The following DYNC1I1 variants were observed in gnomAD, a reference collection of about 807,000 sequenced individuals.
DYNC1I1 encodes the protein cytoplasmic dynein 1 intermediate chain 1.
DYNC1I1 carries 43 observed loss-of-function variants against 86.6 expected under a neutral mutation model. The ratio of observed to expected loss-of-function variants is 0.50; its 90% CI spans 0.39 to 0.64. DYNC1I1 has a LOEUF of 0.64. Ranked by LOEUF, DYNC1I1 falls within the 30% of genes least tolerant of loss-of-function variation. The pLI is 0.00. For synonymous variants in DYNC1I1, 262 were observed against 283.7 expected, an observed-to-expected ratio of 0.92 and a Z score of 0.77; for missense variants, 604 against 788.8, an observed-to-expected ratio of 0.77 and a Z score of 2.81.
intron 16 of DYNC1I1, among the ~76,000 whole-genome samples, chr7:96,081,341 AC>A (rs940240030): frequency 1.9e-4 from 29 of 151,852 alleles, no homozygotes; most frequent in African/African-American, 5.6e-4. Flanking sequence ...AAAAAAAAAA[AC>A]AACTACACCT....
At chr7:95,915,466 C>G (rs1791445150) in intron 6 of DYNC1I1, among the ~76,000 whole-genome samples, 1 of 152,180 alleles carries the variant, frequency 6.6e-6, no homozygotes, top group Non-Finnish European at 1.5e-5. Context: ...TATTTCTATA[C>G]ACTTCAGGTA....
chr7:95,781,005 C>CAA (rs376390109), intron 1 of DYNC1I1, among the ~76,000 whole-genome samples: 27 of 145,648 alleles, frequency 1.9e-4, no homozygotes, highest in African/African-American at 6.7e-4. Flanking sequence ...ATAACAACAA[C>CAA]AAAAAAAAAA....
chr7:95,831,473 A>G (rs1378622403), intron 5 of DYNC1I1, among the ~76,000 whole-genome samples: 1 of 152,186 alleles, frequency 6.6e-6, no homozygotes, highest in Non-Finnish European at 1.5e-5. Flanking sequence ...CCCAGGCCAG[A>G]GACAGATATC....
intron 6 of DYNC1I1, among the ~76,000 whole-genome samples, chr7:95,926,092 A>T (rs915674408): frequency 6.6e-6 from 1 of 152,174 alleles, no homozygotes; most frequent in Non-Finnish European, 1.5e-5. Context: ...AATCATCTTC[A>T]TCTTGCTGAA....
chr7:96,083,809 A>G (rs2299289), intron 16 of DYNC1I1, among the ~76,000 whole-genome samples: 7,355 of 152,304 alleles, frequency 0.048, 284 homozygotes, highest in East Asian at 0.23. Context: ...CCTGGTCCCT[A>G]TTAAAACGAA....
chr7:95,930,931 T>A lies in DYNC1I1; in HGVS notation c.491-46581T>A, dbSNP rs987361491. Among the ~76,000 whole-genome samples the A allele has an allele frequency of 6.6e-5, 10 of 152,188 alleles. No homozygotes were observed. In the East Asian group the frequency reaches 1.5e-3, roughly 23 times the overall value. On this transcript the variant is annotated intron_variant, in intron 6 of 16. Transcript: ENST00000447467. The stretch of plus-strand genomic sequence containing the variant: ...GCTCTGTAGGTTCTAGGCTACAGTA[T>A]TTCAGTGTTCACAGGACAGCTAATT...
chr7:95,851,912 CCTT>C (rs1789589379), intron 5 of DYNC1I1, among the ~76,000 whole-genome samples: 1 of 152,176 alleles, frequency 6.6e-6, no homozygotes, highest in Non-Finnish European at 1.5e-5. Flanking sequence ...GATCCGCCCT[CCTT>C]GGCCTCACAA....
intron 6 of DYNC1I1, among the ~76,000 whole-genome samples, chr7:95,878,226 G>T (rs1263863165): frequency 6.6e-6 from 1 of 152,150 alleles, no homozygotes; most frequent in African/African-American, 2.4e-5. Context: ...GAAACTGCCT[G>T]TGAGGGCAAC....
At chr7:95,963,389 T>C (rs1792924476) in intron 6 of DYNC1I1, among the ~76,000 whole-genome samples, 1 of 152,226 alleles carries the variant, frequency 6.6e-6, no homozygotes, top group South Asian at 2.1e-4. Context: ...TCATAAAGTT[T>C]AGCCTATGCC....
intron 16 of DYNC1I1, among the ~76,000 whole-genome samples, chr7:96,083,371 G>A (rs976726928): frequency 2.5e-4 from 38 of 151,890 alleles, no homozygotes; most frequent in South Asian, 2.1e-4. Flanking sequence ...ATTCTAAATC[G>A]CTGAAGACCT....
intron 5 of DYNC1I1, among the ~76,000 whole-genome samples, chr7:95,832,696 G>C (rs1292354816): frequency 6.6e-6 from 1 of 152,106 alleles, no homozygotes; most frequent in African/African-American, 2.4e-5. Context: ...TTGTGGTTTT[G>C]ATTTGCATTT....
chr7:95,807,719 G>A (rs1052266606), intron 2 of DYNC1I1, among the ~76,000 whole-genome samples: 21 of 151,862 alleles, frequency 1.4e-4, no homozygotes, highest in African/African-American at 3.6e-4. Context: ...ATGTCTTTCC[G>A]TTCTCATCTC....
chr7:95,887,670 A>G (rs1476570679), intron 6 of DYNC1I1, among the ~76,000 whole-genome samples: 1 of 152,182 alleles, frequency 6.6e-6, no homozygotes, highest in Admixed American at 6.5e-5. Flanking sequence ...CTGTATTTCA[A>G]AGGTTGCAAA....
chr7:95,871,462 C>T lies in DYNC1I1; in HGVS notation c.490+1464C>T, dbSNP rs13246101. The stretch of plus-strand genomic sequence containing the variant: ...CAAGAACAGGAAGATCGTTAAAAAA[C>T]ATCCTCACCACCCAACCAAAACATT... On this transcript the variant is annotated intron_variant, in intron 6 of 16. Coordinates refer to ENST00000447467, the MANE Select transcript of DYNC1I1 (RefSeq NM_001135556.2). Among the ~76,000 whole-genome samples the T allele has an allele frequency of 3.9e-5, 6 of 152,338 alleles. No homozygotes were observed. In the East Asian group the frequency reaches 1.2e-3, roughly 29 times the overall value.
intron 6 of DYNC1I1, among the ~76,000 whole-genome samples, chr7:95,888,707 C>T (rs1216391911): frequency 6.6e-6 from 1 of 152,132 alleles, no homozygotes; most frequent in African/African-American, 2.4e-5. Context: ...CTCTGAGTTT[C>T]TTAGGTTTCA....
chr7:96,010,434 A>C (rs1438828992), intron 10 of DYNC1I1, among the ~76,000 whole-genome samples: 1 of 152,196 alleles, frequency 6.6e-6, no homozygotes, highest in Non-Finnish European at 1.5e-5. Context: ...GGTGAACCAC[A>C]GGTATTCCTA....
At chr7:95,877,105 A>G (rs1361667406) in intron 6 of DYNC1I1, among the ~76,000 whole-genome samples, 1 of 152,038 alleles carries the variant, frequency 6.6e-6, no homozygotes, top group Non-Finnish European at 1.5e-5. Context: ...ACACAGGGCT[A>G]CCTCTCCTGC....
At chr7:95,902,638 T>G (rs1052747792) in intron 6 of DYNC1I1, among the ~76,000 whole-genome samples, 33 of 152,228 alleles carry the variant, frequency 2.2e-4, no homozygotes, top group Admixed American at 1.1e-3. Context: ...CATTGCATTT[T>G]AAGAACATGG....
rs750834189 is a variant in DYNC1I1, at chr7:95,936,956, T to TCTCACA, written c.491-40555_491-40554insTCACAC. 2.5e-3 allele frequency among the ~76,000 whole-genome samples: 333 copies of TCTCACA among 134,278 alleles called. 2 individuals carry two copies. The highest frequency in any genetic ancestry group is 7.9e-3 in the African/African-American group (285 of 36,248). The allele number at this position is 134,278 out of a possible 152,430, so 88.1% of individuals were successfully genotyped here. Reference sequence around the variant, plus strand: ...CAAAGGAATGGATAAAGAATATGTCTCACACACACACACACACACACACAC... The same window carrying TCTCACA: ...CAAAGGAATGGATAAAGAATATGTCTCTCACACACACACACACACACACACACACAC... On this transcript the variant is annotated intron_variant, in intron 6 of 16. Coordinates refer to ENST00000447467, the MANE Select transcript of DYNC1I1 (RefSeq NM_001135556.2).
Sources: allele counts gnomAD v4.1 joint callset (sites outside exome capture counted in the v4.1 genomes callset), GRCh38; gene constraint gnomAD v4.1.1; transcripts MANE v1.5; gene names NCBI Gene and HGNC (gene_info 2026-07-23, HGNC 2026-07-21).